Variants in PCDH9 observed in about 807,000 individuals in gnomAD.
PCDH9 encodes the protein protocadherin-9.
PCDH9 carries 24 observed loss-of-function variants against 70.6 expected under a neutral mutation model. The ratio of observed to expected loss-of-function variants is 0.34; its 90% CI spans 0.25 to 0.48. The LOEUF is 0.48. PCDH9 is among the 20% of genes least tolerant of loss of function. The pLI is 0.99. For synonymous variants in PCDH9, 562 were observed against 558.5 expected, an observed-to-expected ratio of 1.01 and a Z score of -0.09; for missense variants, 1,281 against 1,503.6, an observed-to-expected ratio of 0.85 and a Z score of 2.45.
At chr13:67,127,185 C>G (rs533002060) in intron 2 of PCDH9, among the ~76,000 whole-genome samples, 3 of 152,124 alleles carry the variant, frequency 2.0e-5, no homozygotes, top group Admixed American at 2.0e-4. Flanking sequence ...CAAATTCAAA[C>G]AGCCCTGGAG....
chr13:67,159,546 A>C (rs1234746106), intron 2 of PCDH9, among the ~76,000 whole-genome samples: 2 of 152,212 alleles, frequency 1.3e-5, no homozygotes, highest in Admixed American at 1.3e-4. Flanking sequence ...AGGTCAGAGA[A>C]ACCAGACTGG....
rs547033978 is a variant in PCDH9 at position 66,432,771 on chromosome 13, GA to G, written c.3341-127744del. Among the ~76,000 whole-genome samples, 3 of 152,040 alleles carry G rather than the reference GA, an allele frequency of 2.0e-5. No homozygotes were observed. The South Asian group carries it at 6.2e-4, about 32-fold the overall frequency. On this transcript the variant is annotated intron_variant, in intron 4 of 4. Coordinates refer to ENST00000377865, the MANE Select transcript of PCDH9 (RefSeq NM_203487.3). Reference sequence around the variant, plus strand: ...AAAACAGAATTGTGGATGATGATTAGAAAACAAAAATGATAACATGCATAAA... The same window carrying G: ...AAAACAGAATTGTGGATGATGATTAGAAACAAAAATGATAACATGCATAAA...
At chr13:67,203,235 A>G (rs2138058606) in intron 2 of PCDH9, 1 of 152,252 alleles carries the variant, frequency 6.6e-6, no homozygotes, top group African/African-American at 2.4e-5. Flanking sequence ...TTATTCTTAA[A>G]TTGGCTAACA....
chr13:66,715,522 A>G (rs2078856733), intron 3 of PCDH9, among the ~76,000 whole-genome samples: 2 of 152,184 alleles, frequency 1.3e-5, no homozygotes, highest in Non-Finnish European at 2.9e-5. Flanking sequence ...CTTGAGCCGT[A>G]TACAATTTAT....
intron 4 of PCDH9, among the ~76,000 whole-genome samples, chr13:66,598,836 T>C (rs1327257918): frequency 6.6e-6 from 1 of 151,892 alleles, no homozygotes; most frequent in African/African-American, 2.4e-5. Context: ...AATGAGCTCA[T>C]ATATTTGGCC....
intron 4 of PCDH9, among the ~76,000 whole-genome samples, chr13:66,495,023 G>A (rs1959091320): frequency 6.6e-6 from 1 of 151,858 alleles, no homozygotes; most frequent in African/African-American, 2.4e-5. Flanking sequence ...AGGAATAAAG[G>A]AAGAAGGGAA....
intron 2 of PCDH9, among the ~76,000 whole-genome samples, chr13:67,144,138 G>T (rs1398246093): frequency 6.6e-6 from 1 of 152,142 alleles, no homozygotes; most frequent in African/African-American, 2.4e-5. Flanking sequence ...ACTATCTTTA[G>T]AACTCTAGAA....
rs556757852 is a variant in PCDH9 at position 66,625,193 on chromosome 13, T to A, written c.3340+6017A>T. Reference sequence around the variant, plus strand: ...TATTATTTCTAACAAACAATAATTTTAAAATATCATTTAAAAGCCAGCCCA... The same window carrying A: ...TATTATTTCTAACAAACAATAATTTAAAAATATCATTTAAAAGCCAGCCCA... On this transcript the variant is annotated intron_variant, in intron 4 of 4. Coordinates refer to ENST00000377865, the MANE Select transcript of PCDH9 (RefSeq NM_203487.3). Among the ~76,000 whole-genome samples, 191 of 152,320 alleles carry A rather than the reference T, an allele frequency of 1.3e-3. 1 individual carries two copies. Among genetic ancestry groups the A allele is most frequent in the Admixed American group, 2.6e-3 (40 of 15,292 alleles).
At chr13:66,731,315 C>T (rs568954863) in intron 3 of PCDH9, among the ~76,000 whole-genome samples, 2 of 152,192 alleles carry the variant, frequency 1.3e-5, no homozygotes, top group Non-Finnish European at 2.9e-5. Context: ...GTGTCAAAGT[C>T]AGACATTTTG....
rs189844240 is a variant in PCDH9, at chr13:67,004,438, G to T, written c.3037-100833C>A. 1.0e-3 allele frequency among the ~76,000 whole-genome samples: 152 copies of T among 151,830 alleles called. 1 individual carries two copies. Among genetic ancestry groups the T allele is most frequent in the African/African-American group, 3.6e-3 (148 of 41,454 alleles). ...ATCCAAAAATTAGCCAGGCATGGTT[G>T]TGGGCACCTGTAGTCCCAGCTACTC... On this transcript the variant is annotated intron_variant, in intron 2 of 4. Coordinates refer to ENST00000377865, the MANE Select transcript of PCDH9 (RefSeq NM_203487.3).
intron 2 of PCDH9, among the ~76,000 whole-genome samples, chr13:67,076,730 C>T (rs759296758): frequency 2.6e-5 from 4 of 152,120 alleles, no homozygotes; most frequent in East Asian, 1.9e-4. Context: ...TTTTGTGAAA[C>T]GAGCTATTTT....
At chr13:66,313,356 T>G (rs1297149097) in intron 4 of PCDH9, among the ~76,000 whole-genome samples, 2 of 152,238 alleles carry the variant, frequency 1.3e-5, no homozygotes, top group Non-Finnish European at 2.9e-5. Flanking sequence ...ATCTCCTGAA[T>G]TACTCTCCAT....
At chr13:67,115,911 T>C (rs2086760369) in intron 2 of PCDH9, among the ~76,000 whole-genome samples, 1 of 152,182 alleles carries the variant, frequency 6.6e-6, no homozygotes, top group African/African-American at 2.4e-5. Flanking sequence ...ATTTATCAAC[T>C]TAAAGAATGG....
chr13:66,493,056 T>C (rs1417979714), intron 4 of PCDH9, among the ~76,000 whole-genome samples: 1 of 152,082 alleles, frequency 6.6e-6, no homozygotes, highest in African/African-American at 2.4e-5. Context: ...AATAAAGAAA[T>C]AAAATAATAA....
At chr13:67,192,998 C>T (rs2088959148) in intron 2 of PCDH9, among the ~76,000 whole-genome samples, 1 of 152,062 alleles carries the variant, frequency 6.6e-6, no homozygotes, top group Admixed American at 6.6e-5. Flanking sequence ...CTTTTCTGTC[C>T]ATCAACACCT....
chr13:66,761,899 T>C (rs2079634718), intron 3 of PCDH9, among the ~76,000 whole-genome samples: 1 of 151,188 alleles, frequency 6.6e-6, no homozygotes, highest in African/African-American at 2.5e-5. Flanking sequence ...ACTGATACTT[T>C]ATTTTGTCCA....
At chr13:66,314,054 G>A (rs142621090) in intron 4 of PCDH9, among the ~76,000 whole-genome samples, 20 of 152,246 alleles carry the variant, frequency 1.3e-4, no homozygotes, top group Non-Finnish European at 2.4e-4. Flanking sequence ...CTTCTCAAAT[G>A]TTAATATGTA....
At chr13:66,541,240 A>T (rs1960939934) in intron 4 of PCDH9, among the ~76,000 whole-genome samples, 1 of 152,152 alleles carries the variant, frequency 6.6e-6, no homozygotes, top group Admixed American at 6.6e-5. Context: ...CAGATGGCAC[A>T]AAAGTCATTT....
At chr13:66,791,961 A>G (rs1164688249) in intron 3 of PCDH9, among the ~76,000 whole-genome samples, 2 of 152,050 alleles carry the variant, frequency 1.3e-5, no homozygotes, top group African/African-American at 4.8e-5. Context: ...TTATTCCAAG[A>G]CTCTTACACA....
Sources: gnomAD v4.1 joint callset for allele counts (sites outside exome capture counted in the v4.1 genomes callset) on GRCh38, gnomAD v4.1.1 for gene constraint, MANE v1.5 for transcripts, NCBI Gene and HGNC (gene_info 2026-07-23, HGNC 2026-07-21) for gene names.